The following SGCZ variants were observed in gnomAD, a reference collection of about 807,000 sequenced individuals.
SGCZ encodes the protein sarcoglycan zeta.
A neutral mutation model predicts 41.3 loss-of-function variants in SGCZ; 40 were observed. That is an observed-to-expected ratio of 0.97 (90% CI 0.75 to 1.26). The LOEUF (loss-of-function observed/expected upper bound fraction) is 1.26, where lower values mean the gene tolerates loss of function less well. SGCZ is among the 50% of genes most tolerant of loss of function. The probability of loss-of-function intolerance (pLI) is 0.00; values close to 1 mark genes in which losing one functional copy is unlikely to be tolerated. For missense variants in SGCZ, 552 were observed against 369.8 expected (o/e 1.49, Z -4.04); for synonymous variants, 206 against 137.5 (o/e 1.50, Z -3.49).
chr8:15,112,178 G>A (rs185050718), intron 1 of SGCZ, among the ~76,000 whole-genome samples: 39 of 152,258 alleles, frequency 2.6e-4, no homozygotes, highest in Admixed American at 1.9e-3. Flanking sequence ...CTTTCACCGC[G>A]AGAACATAGT....
At chr8:15,071,015 C>T (rs1304386082) in intron 1 of SGCZ, among the ~76,000 whole-genome samples, 6 of 152,104 alleles carry the variant, frequency 3.9e-5, no homozygotes, top group Non-Finnish European at 8.8e-5. Flanking sequence ...TAGGCAACTT[C>T]CCAAGCTAGT....
intron 1 of SGCZ, among the ~76,000 whole-genome samples, chr8:15,214,344 C>T (rs934223527): frequency 6.6e-6 from 1 of 152,046 alleles, no homozygotes; most frequent in Non-Finnish European, 1.5e-5. Context: ...TTATTTAAAT[C>T]ACTTTAAACA....
At chr8:14,194,799 G>A (rs1805213501) in intron 4 of SGCZ, among the ~76,000 whole-genome samples, 3 of 151,860 alleles carry the variant, frequency 2.0e-5, no homozygotes, top group Non-Finnish European at 4.4e-5. Context: ...TAAGAGAGCT[G>A]TGAATAGTGC....
intron 1 of SGCZ, among the ~76,000 whole-genome samples, chr8:14,689,572 T>C (rs1460914194): frequency 6.6e-6 from 1 of 152,164 alleles, no homozygotes; most frequent in African/African-American, 2.4e-5. Flanking sequence ...ACTAACATAA[T>C]TAAATTCTAG....
intron 1 of SGCZ, among the ~76,000 whole-genome samples, chr8:14,871,314 A>C (rs888838235): frequency 2.6e-5 from 4 of 152,176 alleles, no homozygotes; most frequent in Admixed American, 6.6e-5. Flanking sequence ...AACCACTGTG[A>C]AAGACAGTTT....
chr8:14,161,889 A>G (rs1315780766), intron 5 of SGCZ, among the ~76,000 whole-genome samples: 1 of 152,194 alleles, frequency 6.6e-6, no homozygotes, highest in Non-Finnish European at 1.5e-5. Flanking sequence ...TACACATCAC[A>G]CACACATAGA....
At chr8:15,177,582 G>A (rs992146266) in intron 1 of SGCZ, among the ~76,000 whole-genome samples, 1 of 152,090 alleles carries the variant, frequency 6.6e-6, no homozygotes, top group African/African-American at 2.4e-5. Context: ...ATGTTGATAG[G>A]CCCATAGACT....
chr8:15,030,699 G>A (rs1274473182), intron 1 of SGCZ, among the ~76,000 whole-genome samples: 1 of 152,314 alleles, frequency 6.6e-6, no homozygotes, highest in East Asian at 1.9e-4. Flanking sequence ...TCATTAGAGA[G>A]TTTATGATAT....
At chr8:15,003,756 G>A (rs181487830) in intron 1 of SGCZ, among the ~76,000 whole-genome samples, 1 of 152,162 alleles carries the variant, frequency 6.6e-6, no homozygotes, top group Admixed American at 6.5e-5. Context: ...TGGTTCCAGA[G>A]AACTAATTTT....
intron 1 of SGCZ, among the ~76,000 whole-genome samples, chr8:14,924,321 T>C (rs752157793): frequency 3.9e-5 from 6 of 152,196 alleles, no homozygotes; most frequent in Non-Finnish European, 7.3e-5. Context: ...GGTTTGTCAA[T>C]TACTTTGTAG....
intron 5 of SGCZ, among the ~76,000 whole-genome samples, chr8:14,163,819 C>G (rs1447837009): frequency 6.6e-6 from 1 of 152,120 alleles, no homozygotes; most frequent in Admixed American, 6.6e-5. Context: ...TGTTTCCAAA[C>G]TCAAGTTTGG....
chr8:15,067,127 A>G (rs1435494866), intron 1 of SGCZ, among the ~76,000 whole-genome samples: 6 of 152,188 alleles, frequency 3.9e-5, no homozygotes, highest in Admixed American at 3.9e-4. Flanking sequence ...AACTGAAATT[A>G]TATCTGTTTA....
chr8:14,116,972 C>T (rs777610838), intron 5 of SGCZ, among the ~76,000 whole-genome samples: 6 of 151,928 alleles, frequency 3.9e-5, no homozygotes, highest in South Asian at 2.1e-4. Flanking sequence ...CAATTTATAA[C>T]GATTAAAATT....
At chr8:14,724,210 A>G (rs897428275) in intron 1 of SGCZ, among the ~76,000 whole-genome samples, 9 of 152,146 alleles carry the variant, frequency 5.9e-5, no homozygotes, top group African/African-American at 2.2e-4. Context: ...GTTCTGCTGT[A>G]CTATTTAGAG....
intron 1 of SGCZ, among the ~76,000 whole-genome samples, chr8:14,857,230 C>T (rs1020577642): frequency 5.3e-5 from 8 of 152,116 alleles, no homozygotes; most frequent in Non-Finnish European, 2.9e-5. Flanking sequence ...AGAAACCCAG[C>T]GGAAGCTGGC....
At chr8:14,521,491 C>G (rs970033068) in intron 2 of SGCZ, among the ~76,000 whole-genome samples, 4 of 152,042 alleles carry the variant, frequency 2.6e-5, no homozygotes, top group Admixed American at 2.0e-4. Flanking sequence ...ATAGTTCATT[C>G]CCTTTTACTG....
chr8:15,084,107 G>C (rs1056519468), intron 1 of SGCZ, among the ~76,000 whole-genome samples: 1 of 152,060 alleles, frequency 6.6e-6, no homozygotes, highest in South Asian at 2.1e-4. Flanking sequence ...AAAATTTTAC[G>C]TGGTAAATCT....
rs538105040 is a variant in SGCZ, at chr8:14,844,232, T to C, written c.40-289306A>G. Among the ~76,000 whole-genome samples, 81 of 152,218 alleles carry C rather than the reference T, an allele frequency of 5.3e-4. No homozygotes were observed. In the Middle Eastern group the frequency reaches 0.031, roughly 58 times the overall value. ...CCTGTTTCCACTGTAAGCATATAAG[T>C]GCTATCTAGAAAAACAACCCTACAA... On this transcript the variant is annotated intron_variant, in intron 1 of 7. Coordinates refer to ENST00000382080, the MANE Select transcript of SGCZ (RefSeq NM_139167.4).
Position 14,359,671 on chromosome 8 carries a change from A to T in SGCZ, c.235-35467T>A, listed in dbSNP as rs570907325. 3.9e-5 allele frequency among the ~76,000 whole-genome samples: 6 copies of T among 152,254 alleles called. No individual in the cohort carries two copies. In the South Asian group the frequency reaches 8.3e-4, roughly 21 times the overall value. Reference sequence around the variant, plus strand: ...GCAAAGAAAAGCCCAAGACACAGTGACCTCACTATTGAAGCTGGAGAAACA... The same window carrying T: ...GCAAAGAAAAGCCCAAGACACAGTGTCCTCACTATTGAAGCTGGAGAAACA... On this transcript the variant is annotated intron_variant, in intron 2 of 7. Coordinates refer to ENST00000382080, the MANE Select transcript of SGCZ (RefSeq NM_139167.4).
Sources: gnomAD v4.1 joint callset for allele counts (sites outside exome capture counted in the v4.1 genomes callset) on GRCh38, gnomAD v4.1.1 for gene constraint, MANE v1.5 for transcripts, NCBI Gene and HGNC (gene_info 2026-07-23, HGNC 2026-07-21) for gene names.